The following GEMIN2 variants were observed in gnomAD, a reference collection of about 807,000 sequenced individuals.
GEMIN2 encodes gem nuclear organelle associated protein 2.
In GEMIN2, 37 loss-of-function variants were observed where a neutral mutation model predicts 45.8. That is an observed-to-expected ratio of 0.81 (90% CI 0.62 to 1.06). GEMIN2 has a LOEUF of 1.06. Among genes scored for constraint, GEMIN2 ranks in the 50% least tolerant of loss-of-function variants. The pLI is 0.00. For synonymous variants in GEMIN2, 101 were observed against 111.5 expected (o/e 0.91, Z 0.60); for missense variants, 335 against 321.8 (o/e 1.04, Z -0.31).
chr14:39,125,127 G>C (rs2052623616), intron 6 of GEMIN2, 91 bp downstream of exon 6: 6 of 712,696 alleles, frequency 8.4e-6, no homozygotes. Context: ...AATTCTTACA[G>C]TATGCAAGAC....
intron 8 of GEMIN2, 46 bp from the exon 9 acceptor site, chr14:39,133,615 G>GT: frequency 2.0e-6 from 2 of 1,013,120 alleles, no homozygotes; most frequent in Non-Finnish European, 2.9e-6. Context: ...TATTTCAAAA[G>GT]TAATAGGAAC....
intron 7 of GEMIN2, 47 bp from the exon 8 acceptor site, chr14:39,131,911 C>T: frequency 1.1e-6 from 1 of 872,042 alleles, no homozygotes; most frequent in Non-Finnish European, 1.9e-6. Flanking sequence ...AAATAAACTT[C>T]TGGTTCAGTA....
At chr14:39,132,851 G>GT (rs2052735668) in intron 8 of GEMIN2, among the ~76,000 whole-genome samples, 1 of 150,196 alleles carries the variant, frequency 6.7e-6, no homozygotes, top group Admixed American at 6.7e-5. Context: ...GCTAATTTTT[G>GT]TATTTTTAGT....
Position 39,131,991 on chromosome 14 carries a change from GA to G in GEMIN2, c.638del (p.Lys213SerfsTer10), listed in dbSNP as rs1383218280. On this transcript the variant is annotated frameshift_variant, in exon 8 of 10. Transcript: ENST00000308317. LOFTEE classifies it high-confidence loss of function. ...RWLYALLACLEKPLLPEAHSL... is the reference protein window; with the variant it reads ...RWLYALLACLXKPLLPEAHSL... ...GCTTTATGCTTTATTGGCTTGTCTT[GA>G]AAAGCCTTTGTTACCTGAGGCTCAT... 3 of 1,589,104 alleles carry G rather than the reference GA, an allele frequency of 1.9e-6. No homozygotes were observed. The highest frequency in any genetic ancestry group is 2.6e-6 in the Non-Finnish European group (3 of 1,165,442).
chr14:39,133,874 G>C, intron 9 of GEMIN2, 155 bp downstream of exon 9: 1 of 457,938 alleles, frequency 2.2e-6, no homozygotes, highest in Non-Finnish European at 3.9e-6. Flanking sequence ...GCTCACTAGA[G>C]CTTTAACTTC....
At chr14:39,114,969 C>T in intron 2 of GEMIN2, 56 bp downstream of exon 2, 1 of 820,022 alleles carries the variant, frequency 1.2e-6, no homozygotes, top group Non-Finnish European at 2.2e-6. Flanking sequence ...AAAAGACTAA[C>T]GCTCTTCCTA....
rs1212260025 is a variant in GEMIN2 at position 39,128,067 on chromosome 14, C to CAAAA, written c.532-190_532-187dup. ...TGGGCAACAGAGTGAGACTCTATCT[C>CAAAA]AAAAAAAAAAAAAAAAAAAAAAAAA... On this transcript the variant is annotated intron_variant, in intron 6 of 9. Transcript: ENST00000308317. 4.4e-3 allele frequency among the ~76,000 whole-genome samples: 46 copies of CAAAA among 10,558 alleles called. 20 individuals are homozygous for CAAAA. Among genetic ancestry groups the CAAAA allele is most frequent in the Admixed American group, 5.2e-3 (5 of 958 alleles). The allele number at this position is 10,558 out of a possible 152,430, so 6.9% of individuals were successfully genotyped here. A position where few individuals can be genotyped will look rare whatever the true frequency, so the allele number is the denominator to read the frequency against.
intron 6 of GEMIN2, among the ~76,000 whole-genome samples, chr14:39,127,447 A>G (rs2052659038): frequency 7.1e-6 from 1 of 139,914 alleles, no homozygotes; most frequent in Non-Finnish European, 1.5e-5. Context: ...GGTTCAAGGG[A>G]TTCCCCGGCC....
Position 39,136,421 on chromosome 14 carries a change from T to C in GEMIN2, c.771-19T>C, listed in dbSNP as rs772086435. On this transcript the variant is annotated intron_variant, in intron 9 of 9. Coordinates refer to ENST00000308317, the MANE Select transcript of GEMIN2 (RefSeq NM_003616.3). ...AGTTAATATCTTTATACATAAATTTTTTGTTTTTTTTTTACTAGGTATTTT... is the reference window on the plus strand; with the variant it reads ...AGTTAATATCTTTATACATAAATTTCTTGTTTTTTTTTTACTAGGTATTTT... 3.8e-6 allele frequency: 5 copies of C among 1,327,222 alleles called. No homozygotes were observed. The highest frequency in any genetic ancestry group is 5.4e-6 in the Non-Finnish European group (5 of 920,440). The allele number at this position is 1,327,222 out of a possible 1,614,324, so 82.2% of individuals were successfully genotyped here.
intron 9 of GEMIN2, chr14:39,134,393 A>T (rs1051904666): frequency 6.6e-6 from 1 of 152,090 alleles, no homozygotes; most frequent in African/African-American, 2.4e-5. Context: ...TAATTTTTGT[A>T]ATTTTGTGGA....
At chr14:39,124,558 C>T (rs1384626084) in intron 5 of GEMIN2, among the ~76,000 whole-genome samples, 2 of 152,028 alleles carry the variant, frequency 1.3e-5, no homozygotes, top group Non-Finnish European at 2.9e-5. Context: ...ATCACTTGAG[C>T]TCAGGAGTTC....
Position 39,128,282 on chromosome 14 carries a change from A to T in GEMIN2, c.534A>T (p.Ala178=). Residue 178 remains alanine (A), a splice_region_variant and synonymous_variant, in exon 7 of 10, where the codon GCA becomes GCT. Transcript: ENST00000308317. ...LLSIVSRMNQ[A]TVTSVLEYLS... ...CCACCCCCTCTTTTTTTTTTTAGGCAACAGTAACTAGTGTCTTGGAATATC... is the reference window on the plus strand; with the variant it reads ...CCACCCCCTCTTTTTTTTTTTAGGCTACAGTAACTAGTGTCTTGGAATATC... 1 of 1,532,820 alleles carries T rather than the reference A, an allele frequency of 6.5e-7. No homozygotes were observed. Among genetic ancestry groups the T allele is most frequent in the Non-Finnish European group, 8.9e-7 (1 of 1,121,450 alleles). The allele number at this position is 1,532,820 out of a possible 1,614,324, so 95.0% of individuals were successfully genotyped here.
intron 5 of GEMIN2, among the ~76,000 whole-genome samples, chr14:39,123,685 G>GTTTTATATATATATAT (rs1566532769): frequency 5.0e-5 from 3 of 59,596 alleles, no homozygotes; most frequent in African/African-American, 1.8e-4. Context: ...TTCAAAAATA[G>GTTTTATATATATATAT]CTATATATAT....
Position 39,118,579 on chromosome 14 carries a change from T to C in GEMIN2, c.352T>C (p.Leu118=), listed in dbSNP as rs751907017. 3 of 1,495,916 alleles carry C rather than the reference T, an allele frequency of 2.0e-6. No individual in the cohort carries two copies. The South Asian group carries it at 3.4e-5, about 17-fold the overall frequency. The allele number at this position is 1,495,916 out of a possible 1,614,324, so 92.7% of individuals were successfully genotyped here. The change falls in exon 4 of 10, where the codon TTG becomes CTG. Residue 118 remains leucine, a synonymous_variant. Coordinates refer to ENST00000308317, the MANE Select transcript of GEMIN2 (RefSeq NM_003616.3). The part of the protein sequence containing the change: ...KHRSHWKSQQ[L]DSNVTMPKSE... ...TAGAAGTCACTGGAAATCACAACAG[T>C]TGGATAGTAATGTGACAATGGTATG... is the stretch of plus-strand genomic sequence containing the variant.
intron 9 of GEMIN2, 131 bp from the exon 10 acceptor site, chr14:39,136,309 G>C: frequency 1.6e-6 from 1 of 611,514 alleles, no homozygotes; most frequent in Non-Finnish European, 2.9e-6. Context: ...TTTCCACTAT[G>C]TAGACATACT....
intron 2 of GEMIN2, among the ~76,000 whole-genome samples, chr14:39,115,157 T>A (rs1330518405): frequency 6.6e-6 from 1 of 152,256 alleles, no homozygotes; most frequent in East Asian, 1.9e-4. Context: ...TATCCAGTCC[T>A]TTCAAAGGAG....
At chr14:39,117,338 A>G (rs2052522088) in intron 2 of GEMIN2, among the ~76,000 whole-genome samples, 1 of 151,904 alleles carries the variant, frequency 6.6e-6, no homozygotes, top group Non-Finnish European at 1.5e-5. Flanking sequence ...CATTTTGCCC[A>G]TACCAAAGTT....
intron 5 of GEMIN2, among the ~76,000 whole-genome samples, chr14:39,123,708 A>ATATATATATATATATATATTTT (rs1555333787): frequency 2.7e-5 from 1 of 37,686 alleles, no homozygotes; most frequent in African/African-American, 1.3e-4. Context: ...ATATATATAT[A>ATATATATATATATATATATTTT]TTTTTTTTTT....
intron 5 of GEMIN2, among the ~76,000 whole-genome samples, chr14:39,123,221 C>G (rs1207512683): frequency 6.6e-6 from 1 of 152,214 alleles, no homozygotes; most frequent in East Asian, 1.9e-4. Flanking sequence ...GCGCTTACTC[C>G]CTATAGCATG....
Sources: gnomAD v4.1 joint callset for allele counts (sites outside exome capture counted in the v4.1 genomes callset) on GRCh38, gnomAD v4.1.1 for gene constraint, MANE v1.5 for transcripts, NCBI Gene and HGNC (gene_info 2026-07-23, HGNC 2026-07-21) for gene names.